Variants in DOCK3 observed in about 807,000 individuals in gnomAD.
The protein encoded by DOCK3 is dedicator of cytokinesis 3, also known as dedicator of cytokinesis protein 3.
In DOCK3, 60 loss-of-function variants were observed where a neutral mutation model predicts 265.6. The ratio of observed to expected loss-of-function variants is 0.23; its 90% CI spans 0.18 to 0.28. The LOEUF is 0.28. DOCK3 is among the 10% of genes least tolerant of loss of function. The probability of loss-of-function intolerance (pLI) is 1.00; values close to 1 mark genes in which losing one functional copy is unlikely to be tolerated. For missense variants in DOCK3, 1,981 were observed against 2,594.3 expected (o/e 0.76, Z 5.14); for synonymous variants, 881 against 938.0 (o/e 0.94, Z 1.11).
chr3:50,832,023 G>A (rs1233792839), intron 2 of DOCK3, among the ~76,000 whole-genome samples: 1 of 152,050 alleles, frequency 6.6e-6, no homozygotes, highest in Non-Finnish European at 1.5e-5. Context: ...CCACATAAAT[G>A]TCTTCTTTTG....
intron 1 of DOCK3, among the ~76,000 whole-genome samples, chr3:50,711,513 T>C (rs973508253): frequency 1.3e-5 from 2 of 152,062 alleles, no homozygotes; most frequent in East Asian, 1.9e-4. Flanking sequence ...CCACCCTCCT[T>C]AGCCTCCCAA....
chr3:51,360,226 A>G (rs898841695), intron 46 of DOCK3, among the ~76,000 whole-genome samples: 4 of 152,136 alleles, frequency 2.6e-5, no homozygotes, highest in African/African-American at 7.2e-5. Flanking sequence ...ACACACTCCT[A>G]TGAGCTCAGA....
At chr3:50,821,604 T>G (rs901992806) in intron 2 of DOCK3, among the ~76,000 whole-genome samples, 1 of 152,154 alleles carries the variant, frequency 6.6e-6, no homozygotes, top group Non-Finnish European at 1.5e-5. Flanking sequence ...CTGGCCGCCT[T>G]CTAAGATTTT....
intron 12 of DOCK3, among the ~76,000 whole-genome samples, chr3:51,187,031 A>G (rs561054945): frequency 9.3e-4 from 141 of 152,304 alleles, no homozygotes; most frequent in African/African-American, 3.3e-3. Context: ...GAAGAGGGCC[A>G]CCATCCTCCA....
chr3:51,154,049 T>TG (rs2085735249), intron 10 of DOCK3, among the ~76,000 whole-genome samples: 2 of 152,326 alleles, frequency 1.3e-5, no homozygotes, highest in South Asian at 4.1e-4. Context: ...AAGATTACAT[T>TG]GGGCCTCTTA....
chr3:50,997,836 T>A (rs1213555441), intron 5 of DOCK3, among the ~76,000 whole-genome samples: 1 of 152,182 alleles, frequency 6.6e-6, no homozygotes, highest in Non-Finnish European at 1.5e-5. Flanking sequence ...TGTGGCCAAT[T>A]ACCAAGAAGA....
At chr3:51,202,143 G>T in intron 12 of DOCK3, among the ~76,000 whole-genome samples, 1 of 99,276 alleles carries the variant, frequency 1.0e-5, no homozygotes, top group Admixed American at 1.2e-4. Context: ...ACATTCAAAA[G>T]CTAGCAGAAG....
intron 1 of DOCK3, among the ~76,000 whole-genome samples, chr3:50,695,844 A>G (rs759901404): frequency 2.9e-4 from 44 of 152,214 alleles, no homozygotes; most frequent in Non-Finnish European, 4.4e-4. Context: ...ACTGTAATTG[A>G]GCAAAGAATG....
At chr3:50,904,806 T>C (rs1367378045) in intron 4 of DOCK3, among the ~76,000 whole-genome samples, 1 of 152,130 alleles carries the variant, frequency 6.6e-6, no homozygotes, top group Non-Finnish European at 1.5e-5. Context: ...ATTTTTGCTT[T>C]TGTTGCCATT....
At chr3:51,066,343 G>C (rs183019688) in intron 6 of DOCK3, among the ~76,000 whole-genome samples, 1 of 152,104 alleles carries the variant, frequency 6.6e-6, no homozygotes, top group Non-Finnish European at 1.5e-5. Context: ...AACTCACAAC[G>C]AGGCACATTA....
chr3:50,923,236 C>T (rs2050592906), intron 4 of DOCK3, among the ~76,000 whole-genome samples: 1 of 152,150 alleles, frequency 6.6e-6, no homozygotes, highest in East Asian at 1.9e-4. Flanking sequence ...CATGTGTGTG[C>T]AAGCATCTTT....
chr3:51,065,110 A>C (rs2081543871), intron 6 of DOCK3, among the ~76,000 whole-genome samples: 1 of 152,210 alleles, frequency 6.6e-6, no homozygotes, highest in South Asian at 2.1e-4. Flanking sequence ...TGCTATTGCC[A>C]TACAAGTACA....
At chr3:51,053,078 GATATAT>G (rs59382660) in intron 5 of DOCK3, among the ~76,000 whole-genome samples, 1,664 of 43,636 alleles carry the variant, frequency 0.038, 40 homozygotes, top group Middle Eastern at 0.071. Context: ...AAAAGTCAAA[GATATAT>G]ATATATATAT....
chr3:50,703,556 G>A, intron 1 of DOCK3, among the ~76,000 whole-genome samples: 1 of 148,512 alleles, frequency 6.7e-6, no homozygotes, highest in Non-Finnish European at 1.5e-5. Context: ...TTCAGTCTTG[G>A]TGGGTTTTAT....
intron 5 of DOCK3, among the ~76,000 whole-genome samples, chr3:51,007,658 C>G (rs2078739415): frequency 6.6e-6 from 1 of 152,074 alleles, no homozygotes; most frequent in Non-Finnish European, 1.5e-5. Flanking sequence ...GCTTTTGTTG[C>G]CATTGCTTTT....
intron 1 of DOCK3, among the ~76,000 whole-genome samples, chr3:50,679,148 A>T (rs752391593): frequency 5.8e-4 from 88 of 151,878 alleles, no homozygotes; most frequent in African/African-American, 1.4e-3. Context: ...ATTAAAAAAA[A>T]TTTTTTTTAG....
intron 2 of DOCK3, among the ~76,000 whole-genome samples, chr3:50,833,582 A>T (rs967296284): frequency 6.6e-6 from 1 of 152,084 alleles, no homozygotes; most frequent in African/African-American, 2.4e-5. Flanking sequence ...GGGTCTCAAG[A>T]CTATTTGAGG....
At chr3:50,747,873 A>AGG (rs35359193) in intron 1 of DOCK3, among the ~76,000 whole-genome samples, 5 of 147,042 alleles carry the variant, frequency 3.4e-5, no homozygotes, top group African/African-American at 1.3e-4. Context: ...GAAAAAAAAA[A>AGG]GGGGGGGGGT....
intron 2 of DOCK3, among the ~76,000 whole-genome samples, chr3:50,835,400 T>C (rs1051083532): frequency 1.1e-4 from 16 of 152,190 alleles, no homozygotes; most frequent in Non-Finnish European, 4.4e-5. Flanking sequence ...TTTAAACCAA[T>C]TAATTAAAAT....
Sources: gnomAD v4.1 joint callset for allele counts (sites outside exome capture counted in the v4.1 genomes callset) on GRCh38, gnomAD v4.1.1 for gene constraint, MANE v1.5 for transcripts, NCBI Gene and HGNC (gene_info 2026-07-23, HGNC 2026-07-21) for gene names.